Variants in B3GLCT observed in about 807,000 individuals in gnomAD.
B3GLCT encodes beta 3-glucosyltransferase, also known as beta-1,3-glucosyltransferase.
In B3GLCT, 65 loss-of-function variants were observed where a neutral mutation model predicts 63.4. The ratio of observed to expected loss-of-function variants is 1.03; its 90% CI spans 0.84 to 1.26. The LOEUF is 1.26. Among genes scored for constraint, B3GLCT ranks in the 50% most tolerant of loss-of-function variants. The pLI, the probability that B3GLCT is intolerant of heterozygous loss-of-function variation, is 0.00. For missense variants in B3GLCT, 577 were observed against 604.8 expected, an observed-to-expected ratio of 0.95 and a Z score of 0.48; for synonymous variants, 233 against 219.2, an observed-to-expected ratio of 1.06 and a Z score of -0.55.
chr13:31,208,631 C>CA (rs1555243808), intron 1 of B3GLCT, among the ~76,000 whole-genome samples: 1 of 133,378 alleles, frequency 7.5e-6, no homozygotes, highest in South Asian at 2.7e-4. Context: ...CCCCCCCCCC[C>CA]GCTCACTGCC....
At chr13:31,289,164 C>T (rs183185953) in intron 12 of B3GLCT, among the ~76,000 whole-genome samples, 5 of 151,768 alleles carry the variant, frequency 3.3e-5, no homozygotes, top group South Asian at 2.1e-4. Flanking sequence ...CAAAACTTGA[C>T]GACAGATCTT....
chr13:31,329,164 T>C (rs1437360415), intron 14 of B3GLCT, among the ~76,000 whole-genome samples: 1 of 152,228 alleles, frequency 6.6e-6, no homozygotes, highest in Admixed American at 6.5e-5. Context: ...ACAGTTTTTC[T>C]GTCTTTGTGC....
intron 12 of B3GLCT, among the ~76,000 whole-genome samples, chr13:31,293,376 G>A (rs1236857618): frequency 2.0e-5 from 3 of 152,148 alleles, no homozygotes; most frequent in African/African-American, 7.2e-5. Context: ...CTGTCTCGTT[G>A]ATCTGTCTAA....
rs114458721 is a variant in B3GLCT at position 31,265,837 on chromosome 13, G to A, written c.597-3377G>A. Among the ~76,000 whole-genome samples, 174 of 152,176 alleles carry A rather than the reference G, an allele frequency of 1.1e-3. 1 individual carries two copies. The highest frequency in any genetic ancestry group is 4.0e-3 in the African/African-American group (168 of 41,492). ...TGGGACTGAAAAAGTTAGCCTGGAA[G>A]TGGGACTGAAAAAGTTAGCTAGGAA... On this transcript the variant is annotated intron_variant, in intron 7 of 14. Transcript: ENST00000343307.
chr13:31,276,720 A>G lies in B3GLCT; in HGVS notation c.799A>G (p.Lys267Glu), dbSNP rs1017593013. ...LPLCRKPVKK[K>E]DIFVAVKTCK... is the part of the protein sequence containing the mutation. ...TTTTTAGAGAAAGCCAGTGAAGAAG[A>G]AGGATATTTTTGTTGCAGTAAAAAC... Residue 267 changes from lysine to glutamate, a missense_variant, in exon 10 of 15, where the codon AAG (lysine) becomes GAG (glutamate). By Grantham distance (56) the Lys-to-Glu change is moderately conservative (BLOSUM62 1). Coordinates refer to ENST00000343307, the MANE Select transcript of B3GLCT (RefSeq NM_194318.4). 94 of 1,612,448 alleles carry G rather than the reference A, an allele frequency of 5.8e-5. No individual in the cohort carries two copies. The highest frequency in any genetic ancestry group is 7.7e-5 in the Non-Finnish European group (91 of 1,178,814).
intron 12 of B3GLCT, among the ~76,000 whole-genome samples, chr13:31,313,464 G>A (rs1446815329): frequency 6.6e-6 from 1 of 152,234 alleles, no homozygotes; most frequent in African/African-American, 2.4e-5. Context: ...TTCTTGCTGT[G>A]TTTTAGCAAA....
Position 31,286,720 on chromosome 13 carries a change from G to A in B3GLCT, c.965G>A (p.Gly322Asp). The A allele has an allele frequency of 6.2e-7, 1 of 1,601,762 alleles. No individual in the cohort carries two copies. The highest frequency in any genetic ancestry group is 8.6e-7 in the Non-Finnish European group (1 of 1,169,210). The change falls in exon 12 of 15, where the codon GGT becomes GAT. Residue 322 changes from glycine to aspartate, a missense_variant and splice_region_variant. Transcript: ENST00000343307. ...TAAGTTTTTTTCTTGCCTTTTCTAG[G>A]TCATTGTGGAAAGACATTTGCCATT... The part of the protein sequence containing the change: ...VDLGIPNTDR[G>D]HCGKTFAILE...
chr13:31,266,061 G>A (rs917952791), intron 7 of B3GLCT, among the ~76,000 whole-genome samples: 18 of 151,806 alleles, frequency 1.2e-4, no homozygotes, highest in African/African-American at 4.1e-4. Flanking sequence ...GTACAGTGGC[G>A]CAGTCTCGCT....
intron 12 of B3GLCT, among the ~76,000 whole-genome samples, chr13:31,294,282 T>C (rs908702327): frequency 1.3e-5 from 2 of 152,218 alleles, no homozygotes; most frequent in Non-Finnish European, 2.9e-5. Flanking sequence ...CTGACGATTA[T>C]GTGTCTTAGG....
chr13:31,210,605 C>T (rs1485629044), intron 1 of B3GLCT, among the ~76,000 whole-genome samples: 1 of 152,186 alleles, frequency 6.6e-6, no homozygotes, highest in Non-Finnish European at 1.5e-5. Context: ...TTGCTCATCT[C>T]TTTGCACCAT....
chr13:31,313,007 G>C (rs1412813074), intron 12 of B3GLCT: 1 of 152,230 alleles, frequency 6.6e-6, no homozygotes, highest in African/African-American at 2.4e-5. Context: ...TTGACCTTCA[G>C]ACAGATATAA....
intron 4 of B3GLCT, among the ~76,000 whole-genome samples, chr13:31,232,133 A>G (rs916435775): frequency 9.2e-5 from 14 of 152,240 alleles, no homozygotes; most frequent in Non-Finnish European, 2.9e-5. Flanking sequence ...TCCTGTCTCT[A>G]GATCCCAGCT....
intron 1 of B3GLCT, 106 bp downstream of exon 1, chr13:31,200,260 C>T (rs939294101): frequency 6.7e-6 from 4 of 595,444 alleles, no homozygotes; most frequent in Non-Finnish European, 8.6e-6. Flanking sequence ...CGGCCCAGCC[C>T]TGCCCCGCCG....
chr13:31,302,478 C>T (rs1173211655), intron 12 of B3GLCT, among the ~76,000 whole-genome samples: 1 of 137,230 alleles, frequency 7.3e-6, no homozygotes, highest in Non-Finnish European at 1.6e-5. Context: ...GCGCACCGTG[C>T]GCGAGCCGAA....
intron 12 of B3GLCT, among the ~76,000 whole-genome samples, chr13:31,308,362 A>AAAAAAAAAAAAAAAAAAAAAAAAAAAC (rs61561180): frequency 3.2e-5 from 2 of 61,878 alleles, no homozygotes; most frequent in Non-Finnish European, 7.1e-5. Context: ...AAAAAAAAAC[A>AAAAAAAAAAAAAAAAAAAAAAAAAAAC]AAAAAAAAAG....
chr13:31,229,043 G>C, intron 3 of B3GLCT, 142 bp from the exon 4 acceptor site: 1 of 649,682 alleles, frequency 1.5e-6, no homozygotes. Flanking sequence ...TTTGTCTCTA[G>C]AATTACATAC....
At chr13:31,316,430 T>TATATATATATATATAA (rs1298458509) in intron 12 of B3GLCT, among the ~76,000 whole-genome samples, 1 of 118,194 alleles carries the variant, frequency 8.5e-6, no homozygotes, top group Non-Finnish European at 1.7e-5. Flanking sequence ...TATATATATA[T>TATATATATATATATAA]AAATTTTTTT....
chr13:31,220,137 A>G (rs1438813297), intron 2 of B3GLCT, among the ~76,000 whole-genome samples: 1 of 152,214 alleles, frequency 6.6e-6, no homozygotes, highest in Non-Finnish European at 1.5e-5. Flanking sequence ...TCTCTAGGGC[A>G]GTGGTGGGTA....
At chr13:31,253,257 G>C (rs1422492303) in intron 6 of B3GLCT, among the ~76,000 whole-genome samples, 1 of 152,154 alleles carries the variant, frequency 6.6e-6, no homozygotes, top group Admixed American at 6.5e-5. Flanking sequence ...ACAAGAGAAG[G>C]CAGGAAAGAT....
Sources: gnomAD v4.1 joint callset for allele counts (sites outside exome capture counted in the v4.1 genomes callset) on GRCh38, gnomAD v4.1.1 for gene constraint, MANE v1.5 for transcripts, NCBI Gene and HGNC (gene_info 2026-07-23, HGNC 2026-07-21) for gene names.